TTL: variants seen among roughly 807,000 people sequenced by gnomAD.
TTL encodes tubulin--tyrosine ligase.
In TTL, 10 loss-of-function variants were observed where a neutral mutation model predicts 41.1. That is an observed-to-expected ratio of 0.24 (90% CI 0.15 to 0.41). The LOEUF (loss-of-function observed/expected upper bound fraction) is 0.41, where lower values mean the gene tolerates loss of function less well. TTL is among the 10% of genes least tolerant of loss of function. TTL has a pLI of 1.00. For synonymous variants in TTL, 175 were observed against 175.5 expected, an observed-to-expected ratio of 1.00 and a Z score of 0.02; for missense variants, 367 against 460.4, an observed-to-expected ratio of 0.80 and a Z score of 1.86.
rs1202671596 is a variant in TTL at position 112,537,642 on chromosome 2, T to C, written c.*8847T>C. Reference sequence around the variant, plus strand: ...TTGGCCACTTGTATGCCAAGGACATTTTATATTGATAAAAGGGTCAGTCCA... The same window carrying C: ...TTGGCCACTTGTATGCCAAGGACATCTTATATTGATAAAAGGGTCAGTCCA... On this transcript the variant is annotated 3_prime_UTR_variant, in exon 7 of 7. Coordinates refer to ENST00000233336, the MANE Select transcript of TTL (RefSeq NM_153712.5). The C allele has an allele frequency of 6.6e-6, 1 of 152,228 alleles. No homozygotes were observed. The highest frequency in any genetic ancestry group is 2.4e-5 in the African/African-American group (1 of 41,454). The allele number at this position is 152,228 out of a possible 1,614,324, so 9.4% of individuals were successfully genotyped here.
rs530475678 is a variant in TTL, at chr2:112,509,169, C to G, written c.875+5988C>G. 1.4e-4 allele frequency among the ~76,000 whole-genome samples: 19 copies of G among 140,294 alleles called. 1 individual carries two copies. The East Asian group carries it at 2.8e-3, about 21-fold the overall frequency. 92.0% of individuals were successfully genotyped at this position (140,294 alleles called of 152,430 possible). On this transcript the variant is annotated intron_variant, in intron 5 of 6. Transcript: ENST00000233336. ...GACTCACTTGAGGAGGCAGTCTGCCCGTTCTCAGATCTCCAGCTGCGTGCT... is the reference window on the plus strand; with the variant it reads ...GACTCACTTGAGGAGGCAGTCTGCCGGTTCTCAGATCTCCAGCTGCGTGCT...
intron 1 of TTL, among the ~76,000 whole-genome samples, chr2:112,485,698 C>T (rs1015421387): frequency 2.6e-5 from 4 of 152,126 alleles, no homozygotes; most frequent in African/African-American, 7.2e-5. Context: ...GGCAAACCTA[C>T]GATGTTGATA....
Position 112,533,374 on chromosome 2 carries a change from A to T in TTL, c.*4579A>T, listed in dbSNP as rs889316786. 2.0e-5 allele frequency: 3 copies of T among 152,336 alleles called. No individual in the cohort carries two copies. The allele number at this position is 152,336 out of a possible 1,614,324, so 9.4% of individuals were successfully genotyped here. On this transcript the variant is annotated 3_prime_UTR_variant, in exon 7 of 7. Transcript: ENST00000233336. ...CCAAAGCCTTTGGAAGACTTCTCTT[A>T]AAGACTGGTCCCACTTCCTGTCAGT...
rs370839858 is a variant in TTL at position 112,494,217 on chromosome 2, A to C, written c.311A>C (p.Asn104Thr). Residue 104 changes from asparagine (N) to threonine (T), a missense_variant, in exon 3 of 7, where the codon AAT (asparagine) becomes ACT (threonine). Asn to Thr is a moderately conservative substitution (Grantham distance 65). Transcript: ENST00000233336. The part of the protein sequence containing the change: ...FPESYVIYPT[N>T]LKTPVAPAQN... The stretch of plus-strand genomic sequence containing the variant: ...GAATCTTATGTGATTTATCCAACCA[A>C]TCTCAAGACTCCAGTTGCTCCAGCA... 2 of 1,614,092 alleles carry C rather than the reference A, an allele frequency of 1.2e-6. No individual in the cohort carries two copies. The highest frequency in any genetic ancestry group is 1.7e-6 in the Non-Finnish European group (2 of 1,180,046).
intron 3 of TTL, among the ~76,000 whole-genome samples, chr2:112,498,508 A>G (rs1377746636): frequency 6.6e-6 from 1 of 152,238 alleles, no homozygotes; most frequent in African/African-American, 2.4e-5. Context: ...GCAGGACAGT[A>G]TAGTAAAGAT....
At chr2:112,492,636 A>C (rs1681419372) in intron 2 of TTL, among the ~76,000 whole-genome samples, 1 of 152,176 alleles carries the variant, frequency 6.6e-6, no homozygotes. Context: ...AGGCTGAGGC[A>C]GGAGAATGGC....
intron 5 of TTL, among the ~76,000 whole-genome samples, chr2:112,512,087 G>GTTATTA (rs766118821): frequency 6.6e-6 from 1 of 151,030 alleles, no homozygotes; most frequent in Admixed American, 6.6e-5. Context: ...TGTATTTATT[G>GTTATTA]TTATTATTAT....
Position 112,482,539 on chromosome 2 carries a change from G to A in TTL, c.157+38G>A. 3 of 1,537,596 alleles carry A rather than the reference G, an allele frequency of 2.0e-6. No homozygotes were observed. Among genetic ancestry groups the A allele is most frequent in the Non-Finnish European group, 2.6e-6 (3 of 1,139,806 alleles). On this transcript the variant is annotated intron_variant, in intron 1 of 6. Coordinates refer to ENST00000233336, the MANE Select transcript of TTL (RefSeq NM_153712.5). The surrounding 1 kb of genome is among the most constrained non-coding windows in gnomAD (Gnocchi z 5.3). ...CCGATTCCCGTCTGCCCTCCTCGGA[G>A]CGGCCCTGCGCGCCTCCCGCGGCCC...
intron 6 of TTL, among the ~76,000 whole-genome samples, chr2:112,521,949 C>T (rs1682245984): frequency 6.6e-6 from 1 of 152,144 alleles, no homozygotes; most frequent in Non-Finnish European, 1.5e-5. Flanking sequence ...CCGCACCTTC[C>T]CTCACCAAAT....
chr2:112,498,539 T>A (rs1397686423), intron 3 of TTL, among the ~76,000 whole-genome samples: 5 of 152,172 alleles, frequency 3.3e-5, no homozygotes, highest in Non-Finnish European at 7.3e-5. Flanking sequence ...CCTAAACTGG[T>A]CTATAGGTTT....
chr2:112,502,839 G>A, intron 4 of TTL, 73 bp from the exon 5 acceptor site: 6 of 1,499,812 alleles, frequency 4.0e-6, no homozygotes, highest in Non-Finnish European at 5.4e-6. Context: ...AAGTCAAGAT[G>A]TGGGGATTGA....
intron 5 of TTL, among the ~76,000 whole-genome samples, chr2:112,509,262 C>G (rs1681857027): frequency 2.0e-5 from 3 of 147,358 alleles, no homozygotes; most frequent in Non-Finnish European, 3.0e-5. Context: ...TTACTGCTGT[C>G]TTTTTGTTTG....
chr2:112,521,317 A>G (rs1056739257), intron 6 of TTL: 1 of 985,252 alleles, frequency 1.0e-6, no homozygotes, highest in African/African-American at 1.7e-5. Context: ...CATGAGCGTC[A>G]TGGAGTCATT....
Position 112,502,997 on chromosome 2 carries a change from G to A in TTL, c.691G>A (p.Asp231Asn), listed in dbSNP as rs760161872. 3 of 1,613,866 alleles carry A rather than the reference G, an allele frequency of 1.9e-6. No individual in the cohort carries two copies. The highest frequency in any genetic ancestry group is 2.7e-5 in the African/African-American group (2 of 74,882). The change falls in exon 5 of 7, where the codon GAT becomes AAT. Residue 231 changes from aspartate (D) to asparagine (N), a missense_variant. Physicochemically the swap from Asp to Asn is conservative, Grantham distance 23. Transcript: ENST00000233336. Reference protein sequence around the residue: ...LRTASEPYHVDNFQDKTCHLT... With the variant: ...LRTASEPYHVNNFQDKTCHLT... The stretch of plus-strand genomic sequence containing the variant: ...GACTGCTTCAGAACCATATCATGTT[G>A]ATAATTTCCAAGACAAAACCTGCCA...
intron 2 of TTL, among the ~76,000 whole-genome samples, chr2:112,493,666 C>A (rs1025440078): frequency 6.6e-6 from 1 of 152,160 alleles, no homozygotes; most frequent in Non-Finnish European, 1.5e-5. Flanking sequence ...CCAAAGCCAG[C>A]CTGAGCTAAA....
chr2:112,484,826 T>C (rs1200113647), intron 1 of TTL, among the ~76,000 whole-genome samples: 1 of 152,254 alleles, frequency 6.6e-6, no homozygotes, highest in African/African-American at 2.4e-5. Context: ...GATTTGACTG[T>C]ATGCCATTCT....
chr2:112,509,004 CCTTTCT>C (rs1681847705), intron 5 of TTL, among the ~76,000 whole-genome samples: 1 of 59,802 alleles, frequency 1.7e-5, no homozygotes. Context: ...GTGTAGATGT[CCTTTCT>C]GGTTGTTAGT....
intron 5 of TTL, among the ~76,000 whole-genome samples, chr2:112,519,684 T>A (rs1313449871): frequency 3.9e-5 from 6 of 152,010 alleles, no homozygotes; most frequent in Non-Finnish European, 8.8e-5. Flanking sequence ...TGGAAGAATC[T>A]TCATTTACAG....
chr2:112,496,711 T>TGTA (rs1681540973), intron 3 of TTL, among the ~76,000 whole-genome samples: 1 of 78,302 alleles, frequency 1.3e-5, no homozygotes, highest in Non-Finnish European at 2.9e-5. Context: ...GTGTGTGTAT[T>TGTA]TTTTTTTTTT....
Sources: gnomAD v4.1 joint callset for allele counts (sites outside exome capture counted in the v4.1 genomes callset) on GRCh38, gnomAD v4.1.1 for gene constraint, Gnocchi (gnomAD v3.1) non-coding constraint, MANE v1.5 for transcripts, NCBI Gene and HGNC (gene_info 2026-07-23, HGNC 2026-07-21) for gene names.